The following NBEAL1 variants were observed in gnomAD, a reference collection of about 807,000 sequenced individuals.
The protein encoded by NBEAL1 is neurobeachin like 1.
NBEAL1 carries 273 observed loss-of-function variants against 351.3 expected under a neutral mutation model. That is an observed-to-expected ratio of 0.78 (90% CI 0.70 to 0.86). NBEAL1 has a LOEUF of 0.86. Ranked by LOEUF, NBEAL1 falls within the 40% of genes least tolerant of loss-of-function variation. The pLI is 0.00. For missense variants in NBEAL1, 2,961 were observed against 3,201.3 expected (o/e 0.92, Z 1.81); for synonymous variants, 1,050 against 1,086.4 (o/e 0.97, Z 0.66).
Position 203,174,216 on chromosome 2 carries a change from CAAAAAAAA to C in NBEAL1, c.6324-911_6324-904del, listed in dbSNP as rs10652390. Among the ~76,000 whole-genome samples the C allele has an allele frequency of 6.7e-3, 165 of 24,612 alleles. 2 individuals carry two copies. The highest frequency in any genetic ancestry group is 0.016 in the African/African-American group (146 of 9,412). 16.1% of individuals were successfully genotyped at this position (24,612 alleles called of 152,430 possible). On this transcript the variant is annotated intron_variant, in intron 41 of 55. Coordinates refer to ENST00000683969, the MANE Select transcript of NBEAL1 (RefSeq NM_001378026.1). ...TAATTATCACAGTGCTTTATACTAG[CAAAAAAAA>C]AAAAAAAAAAAAAAAAAAATACAAG...
chr2:203,218,005 T>G lies in NBEAL1; in HGVS notation c.*651T>G. ...AAAAAGTGGAACTAGAGATACATTT[T>G]ACAGATGTATTTCCTTAATAATATA... On this transcript the variant is annotated 3_prime_UTR_variant, in exon 56 of 56. Transcript: ENST00000683969. 1 of 802,822 alleles carries G rather than the reference T, an allele frequency of 1.2e-6. No homozygotes were observed. 49.7% of individuals were successfully genotyped at this position (802,822 alleles called of 1,614,324 possible).
chr2:203,073,083 T>G (rs1211379727), intron 7 of NBEAL1, among the ~76,000 whole-genome samples: 2 of 152,164 alleles, frequency 1.3e-5, no homozygotes, highest in Non-Finnish European at 2.9e-5. Flanking sequence ...GTTTTGTTTT[T>G]CATTGAGACA....
chr2:203,065,115 T>C (rs1045992687), intron 6 of NBEAL1, among the ~76,000 whole-genome samples: 1 of 151,930 alleles, frequency 6.6e-6, no homozygotes, highest in Non-Finnish European at 1.5e-5. Context: ...AAAAATTAAC[T>C]GGGTATGGTG....
chr2:203,105,749 C>T (rs1430407484), intron 12 of NBEAL1, among the ~76,000 whole-genome samples: 2 of 152,134 alleles, frequency 1.3e-5, no homozygotes, highest in South Asian at 4.1e-4. Flanking sequence ...CCTATAGGCA[C>T]TGCTTTAAGA....
rs549515597 is a variant in NBEAL1 at position 203,018,579 on chromosome 2, T to G, written c.51+2144T>G. 5.3e-5 allele frequency among the ~76,000 whole-genome samples: 8 copies of G among 152,254 alleles called. No homozygotes were observed. In the South Asian group the frequency reaches 1.2e-3, roughly 24 times the overall value. Reference sequence around the variant, plus strand: ...TACCTCTGAGGGACAAGCAGTTTTTTTTGTTGTTGTTGTTCTTATTCTGTA... The same window carrying G: ...TACCTCTGAGGGACAAGCAGTTTTTGTTGTTGTTGTTGTTCTTATTCTGTA... On this transcript the variant is annotated intron_variant, in intron 2 of 55. Transcript: ENST00000683969.
At position 203,138,684 on chromosome 2, in the gene NBEAL1, G is replaced by T. The variant is rs1398968544; in HGVS notation, c.4784G>T (p.Trp1595Leu). The change falls in exon 31 of 56, where the codon TGG (tryptophan) becomes TTG (leucine). Residue 1595 changes from tryptophan (W) to leucine (L), a missense_variant. Physicochemically the swap from Trp to Leu is moderately conservative, Grantham distance 61 (BLOSUM62 -2). Coordinates refer to ENST00000683969, the MANE Select transcript of NBEAL1 (RefSeq NM_001378026.1). The part of the protein sequence containing the change: ...LSVCYSESPV[W>L]VKLSQIQIQL... Reference sequence around the variant, plus strand: ...GTCTGCTATTCTGAAAGTCCAGTATGGGTAAAACTCTCTCAAATTCAGATC... The same window carrying T: ...GTCTGCTATTCTGAAAGTCCAGTATTGGTAAAACTCTCTCAAATTCAGATC... The T allele has an allele frequency of 8.1e-6, 13 of 1,613,034 alleles. No homozygotes were observed. Among genetic ancestry groups the T allele is most frequent in the Non-Finnish European group, 1.1e-5 (13 of 1,179,596 alleles).
intron 14 of NBEAL1, 68 bp downstream of exon 14, chr2:203,108,256 G>T (rs1395457189): frequency 9.7e-6 from 12 of 1,238,264 alleles, no homozygotes; most frequent in Non-Finnish European, 1.3e-5. Flanking sequence ...TTCTTAAACA[G>T]GAAAACTGTT....
intron 12 of NBEAL1, among the ~76,000 whole-genome samples, chr2:203,106,240 T>A (rs971948130): frequency 1.5e-4 from 23 of 152,220 alleles, no homozygotes; most frequent in African/African-American, 5.5e-4. Flanking sequence ...TTTACACTCT[T>A]ATCTGCCACA....
At chr2:203,033,826 A>G (rs1206350040) in intron 2 of NBEAL1, among the ~76,000 whole-genome samples, 1 of 152,190 alleles carries the variant, frequency 6.6e-6, no homozygotes, top group African/African-American at 2.4e-5. Context: ...ACCAAATGTT[A>G]TACATCTTTG....
At chr2:203,119,614 C>G (rs74712775) in intron 18 of NBEAL1, among the ~76,000 whole-genome samples, 2,422 of 151,516 alleles carry the variant, frequency 0.016, 60 homozygotes, top group African/African-American at 0.055. Context: ...TTAGTACAGA[C>G]GAGGTTTCAC....
At chr2:203,161,917 A>G (rs550508364) in intron 36 of NBEAL1, among the ~76,000 whole-genome samples, 14 of 151,876 alleles carry the variant, frequency 9.2e-5, no homozygotes, top group African/African-American at 3.4e-4. Context: ...ATCCTTTGCC[A>G]GTGGATCTGT....
chr2:203,129,420 G>C (rs566112562), intron 24 of NBEAL1, among the ~76,000 whole-genome samples: 2 of 152,042 alleles, frequency 1.3e-5, no homozygotes, highest in East Asian at 3.9e-4. Flanking sequence ...CTTCATTATC[G>C]GTATTAGATG....
intron 34 of NBEAL1, 122 bp downstream of exon 34, chr2:203,149,270 TAATCTTATTTATTGTCTTTCC>T: frequency 1.6e-6 from 1 of 640,462 alleles, no homozygotes; most frequent in Non-Finnish European, 2.6e-6. Flanking sequence ...AGGGTGCTTT[TAATCTTATTTATTGTCTTTCC>T]ATGAATTATA....
At chr2:203,156,790 T>C (rs2106368748) in intron 35 of NBEAL1, among the ~76,000 whole-genome samples, 1 of 152,332 alleles carries the variant, frequency 6.6e-6, no homozygotes, top group Admixed American at 6.5e-5. Flanking sequence ...TGTGTTATTT[T>C]ATATATTGTG....
At chr2:203,151,713 A>C in intron 35 of NBEAL1, 124 bp downstream of exon 35, 1 of 881,658 alleles carries the variant, frequency 1.1e-6, no homozygotes, top group Middle Eastern at 2.5e-4. Context: ...TTTATAATTG[A>C]TATTTAAGTG....
intron 6 of NBEAL1, among the ~76,000 whole-genome samples, chr2:203,065,251 A>G (rs1396866583): frequency 6.6e-6 from 1 of 152,114 alleles, no homozygotes; most frequent in East Asian, 1.9e-4. Context: ...AGAGCAAGAC[A>G]CTGTCTCTAA....
chr2:203,093,239 A>C (rs1188268502), intron 10 of NBEAL1, among the ~76,000 whole-genome samples: 1 of 146,190 alleles, frequency 6.8e-6, no homozygotes, highest in Non-Finnish European at 1.5e-5. Flanking sequence ...CTAAAAAAAA[A>C]AAAAAAAAAA....
intron 12 of NBEAL1, among the ~76,000 whole-genome samples, chr2:203,105,439 T>C (rs1411477381): frequency 6.6e-6 from 1 of 151,598 alleles, no homozygotes; most frequent in Non-Finnish European, 1.5e-5. Context: ...CACTCCAGCC[T>C]GGGTGACAGA....
intron 6 of NBEAL1, chr2:203,061,607 C>T (rs1330694158): frequency 6.5e-6 from 1 of 154,278 alleles, no homozygotes; most frequent in African/African-American, 2.4e-5. Context: ...ATGAAGGAAA[C>T]TGGAAGCTGT....
Sources: gnomAD v4.1 joint callset for allele counts (sites outside exome capture counted in the v4.1 genomes callset) on GRCh38, gnomAD v4.1.1 for gene constraint, MANE v1.5 for transcripts, NCBI Gene and HGNC (gene_info 2026-07-23, HGNC 2026-07-21) for gene names.